QRICH2: variants seen among roughly 807,000 people sequenced by gnomAD.
The protein encoded by QRICH2 is glutamine-rich protein 2.
In QRICH2, 119 loss-of-function variants were observed where a neutral mutation model predicts 168.3. The observed-to-expected ratio is 0.71, with a 90% confidence interval of 0.61 to 0.82. The LOEUF (loss-of-function observed/expected upper bound fraction) is 0.82, where lower values mean the gene tolerates loss of function less well. Ranked by LOEUF, QRICH2 falls within the 40% of genes least tolerant of loss-of-function variation. QRICH2 has a pLI of 0.00. For missense variants in QRICH2, 2,241 were observed against 2,491.6 expected (o/e 0.90, Z 2.14); for synonymous variants, 894 against 951.2 (o/e 0.94, Z 1.11).
chr17:76,279,167 G>A (rs934314078), intron 13 of QRICH2, 25 bp from the exon 14 acceptor site: 6 of 1,582,376 alleles, frequency 3.8e-6, no homozygotes, highest in South Asian at 2.2e-5. Flanking sequence ...AGGGAGAAGG[G>A]GCGGGTCAGA....
At chr17:76,290,974 C>G (rs2070975547) in intron 4 of QRICH2, 41 bp downstream of exon 4, 1 of 1,587,138 alleles carries the variant, frequency 6.3e-7, no homozygotes, top group Admixed American at 1.7e-5. Context: ...CAACTGAAAA[C>G]AGAGACAATG....
At chr17:76,308,406 G>A, upstream of QRICH2, 1 of 985,192 alleles carries the variant, frequency 1.0e-6, no homozygotes, top group African/African-American at 1.7e-5. Flanking sequence ...GGGCTGAGGA[G>A]GCCTCCTAAG....
At position 76,278,182 on chromosome 17, in the gene QRICH2, GCTT is replaced by G; in HGVS notation, c.4921_4923del (p.Lys1641del). 6.2e-7 allele frequency: 1 copy of G among 1,605,280 alleles called. No individual in the cohort carries two copies. The highest frequency in any genetic ancestry group is 8.5e-7 in the Non-Finnish European group (1 of 1,179,982). On this transcript the variant is annotated inframe_deletion, in exon 15 of 19. Transcript: ENST00000680821. ...TCACCCCGAGGGAAGGCGCTGCCCA[GCTT>G]GAGGCTGCAGGGTGTGAGCAGAACA... is the stretch of plus-strand genomic sequence containing the variant.
At position 76,291,124 on chromosome 17, in the gene QRICH2, TCC is replaced by T. The variant is rs2070980072; in HGVS notation, c.3601_3602del (p.Gly1201ArgfsTer4). The stretch of plus-strand genomic sequence containing the variant: ...GCCCCACATAGAGGCTACTGAGCTC[TCC>T]CATCAGATGAAATGTCTCCACTGCC... Reference protein sequence around the residue: ...PTAVETFHLMGELSSLYVGLK... With the variant: ...PTAVETFHLMXELSSLYVGLK... On this transcript the variant is annotated frameshift_variant, in exon 4 of 19. Coordinates refer to ENST00000680821, the MANE Select transcript of QRICH2 (RefSeq NM_001388453.1). LOFTEE classifies it high-confidence loss of function. 6.2e-7 allele frequency: 1 copy of T among 1,614,072 alleles called. No individual in the cohort carries two copies. Among genetic ancestry groups the T allele is most frequent in the African/African-American group, 1.3e-5 (1 of 74,924 alleles).
chr17:76,277,408 G>A, intron 15 of QRICH2, 98 bp from the exon 16 acceptor site: 5 of 1,406,170 alleles, frequency 3.6e-6, no homozygotes, highest in Non-Finnish European at 4.9e-6. Context: ...AAGGGGCACA[G>A]CTTCTCTTCG....
intron 3 of QRICH2, among the ~76,000 whole-genome samples, chr17:76,303,076 G>T (rs2070931339): frequency 6.6e-6 from 1 of 152,032 alleles, no homozygotes; most frequent in South Asian, 2.1e-4. Context: ...TAGGGACAGG[G>T]TTTCATCATG....
Position 76,307,987 on chromosome 17 carries a change from C to A in QRICH2, c.12G>T (p.Ala4=), listed in dbSNP as rs1016016431. The A allele has an allele frequency of 1.6e-6, 2 of 1,232,790 alleles. No individual in the cohort carries two copies. Among genetic ancestry groups the A allele is most frequent in the South Asian group, 4.1e-5 (1 of 24,488 alleles). The allele number at this position is 1,232,790 out of a possible 1,614,324, so 76.4% of individuals were successfully genotyped here. Residue 4 remains alanine (A), a synonymous_variant, in exon 1 of 19, where the codon GCG becomes GCT. Transcript: ENST00000680821. This position sits in a 1 kb window ranked among gnomAD's most constrained non-coding sequence, Gnocchi z 5.3. ...CCAGCTCCCGGAGGGAGACCGTGGTCGCGGGCGGCATCGTGGCTGTCAGGA... is the reference window on the plus strand; with the variant it reads ...CCAGCTCCCGGAGGGAGACCGTGGTAGCGGGCGGCATCGTGGCTGTCAGGA... The part of the protein sequence containing the change: MPP[A]TTVSLRELAD...
chr17:76,277,032 G>T, intron 16 of QRICH2, 131 bp downstream of exon 16: 1 of 1,008,072 alleles, frequency 9.9e-7, no homozygotes, highest in Non-Finnish European at 1.4e-6. Context: ...CTGAGGCTTT[G>T]ACTGGGTCTG....
chr17:76,291,460 T>C lies in QRICH2; in HGVS notation c.3267A>G (p.Val1089=). ...GGCCATGCTGAGCTGCATCTGGGTATACCTGGTCATGCTCACCTGGGCCAG... is the reference window on the plus strand; with the variant it reads ...GGCCATGCTGAGCTGCATCTGGGTACACCTGGTCATGCTCACCTGGGCCAG... The part of the protein sequence containing the change: ...ASPGPGEHDQ[V]YPDAAQHGHA... The change falls in exon 4 of 19, where the codon GTA becomes GTG. Residue 1089 remains valine, a synonymous_variant. Coordinates refer to ENST00000680821, the MANE Select transcript of QRICH2 (RefSeq NM_001388453.1). 3 of 1,614,118 alleles carry C rather than the reference T, an allele frequency of 1.9e-6. No individual in the cohort carries two copies. The highest frequency in any genetic ancestry group is 2.5e-6 in the Non-Finnish European group (3 of 1,180,036).
At chr17:76,294,356 G>A (rs1348393482) in intron 3 of QRICH2, among the ~76,000 whole-genome samples, 2 of 152,070 alleles carry the variant, frequency 1.3e-5, no homozygotes, top group African/African-American at 4.8e-5. Context: ...CCTGGGAGAT[G>A]GAGGTTGCCG....
Position 76,280,776 on chromosome 17 carries a change from G to A in QRICH2, c.4387-48C>T, listed in dbSNP as rs763811796. 2 of 1,614,040 alleles carry A rather than the reference G, an allele frequency of 1.2e-6. No homozygotes were observed. Among genetic ancestry groups the A allele is most frequent in the East Asian group, 2.2e-5 (1 of 44,890 alleles). Reference sequence around the variant, plus strand: ...GAAAAAAAGAGCCAGCAGCTGCGGGGCTAGGGCACCACATTGAGCCCCGGC... The same window carrying A: ...GAAAAAAAGAGCCAGCAGCTGCGGGACTAGGGCACCACATTGAGCCCCGGC... On this transcript the variant is annotated intron_variant, in intron 9 of 18. Coordinates refer to ENST00000680821, the MANE Select transcript of QRICH2 (RefSeq NM_001388453.1). This position sits in a 1 kb window ranked among gnomAD's most constrained non-coding sequence, Gnocchi z 7.4.
At chr17:76,304,858 TC>T in intron 2 of QRICH2, 23 bp downstream of exon 2, 2 of 1,574,818 alleles carry the variant, frequency 1.3e-6, no homozygotes, top group Non-Finnish European at 1.7e-6. Context: ...GAGAGCCCTT[TC>T]CCATGGAACT....
In QRICH2 at chr17:76,307,951, GGA is replaced by G. The variant is rs1034124000; in HGVS notation, c.46_47del (p.Ser16HisfsTer125). ...CGGCGCCCACCTCTGGCGTGCCGAT[GGA>G]GAGGTCCGCCAGCTCCCGGAGGGAG... ...TVSLRELADL[S>X]IGTPEVGAVN... On this transcript the variant is annotated frameshift_variant, in exon 1 of 19. Transcript: ENST00000680821. LOFTEE classifies it high-confidence loss of function. The surrounding 1 kb of genome is among the most constrained non-coding windows in gnomAD (Gnocchi z 5.3). 1.7e-5 allele frequency: 21 copies of G among 1,234,822 alleles called. No homozygotes were observed. Among genetic ancestry groups the G allele is most frequent in the Non-Finnish European group, 1.8e-5 (18 of 989,438 alleles). The allele number at this position is 1,234,822 out of a possible 1,614,324, so 76.5% of individuals were successfully genotyped here.
Position 76,291,832 on chromosome 17 carries a change from T to G in QRICH2, c.2895A>C (p.Gly965=). The G allele has an allele frequency of 6.2e-7, 1 of 1,613,996 alleles. No individual in the cohort carries two copies. Among genetic ancestry groups the G allele is most frequent in the Non-Finnish European group, 8.5e-7 (1 of 1,179,968 alleles). The change falls in exon 4 of 19, where the codon GGA becomes GGC. Residue 965 remains glycine, a synonymous_variant. Transcript: ENST00000680821. ...GTTGTCTCAAACCATACTGATCCAT[T>G]CCTGGCTGCACCAGACCACGTGGAT... is the stretch of plus-strand genomic sequence containing the variant. The part of the protein sequence containing the change: ...GTYPRGLVQP[G]MDQYGLRQPG...
In QRICH2 at chr17:76,291,762, G is replaced by C; in HGVS notation, c.2965C>G (p.Arg989Gly). ...PGLIAPGTKL[R>G]GSSTFQADST... is the part of the protein sequence containing the mutation. ...TCTGCCTGGAATGTTGAAGAGCCAC[G>C]AAGCTTTGTGCCTGGTGCTATCAAG... The change falls in exon 4 of 19, where the codon CGT becomes GGT. Residue 989 changes from arginine (R) to glycine (G), a missense_variant. Transcript: ENST00000680821. The C allele has an allele frequency of 2.5e-6, 4 of 1,614,160 alleles. No homozygotes were observed. Among genetic ancestry groups the C allele is most frequent in the Non-Finnish European group, 3.4e-6 (4 of 1,180,032 alleles).
At chr17:76,290,873 G>T in intron 4 of QRICH2, 142 bp downstream of exon 4, 1 of 1,323,832 alleles carries the variant, frequency 7.6e-7, no homozygotes, top group Non-Finnish European at 1.0e-6. Context: ...TGAAGGCTGT[G>T]GGACATGCTC....
At chr17:76,303,034 C>T in intron 3 of QRICH2, among the ~76,000 whole-genome samples, 1 of 152,082 alleles carries the variant, frequency 6.6e-6, no homozygotes, top group East Asian at 1.9e-4. Flanking sequence ...CAGGTGTGCA[C>T]CACCACACCC....
At chr17:76,285,249 A>C (rs1444038007) in intron 7 of QRICH2, among the ~76,000 whole-genome samples, 2 of 152,010 alleles carry the variant, frequency 1.3e-5, no homozygotes, top group Non-Finnish European at 1.5e-5. Context: ...CTCCTGCCCC[A>C]GCCTCCTGAG....
In QRICH2 at chr17:76,291,045, C is replaced by G. The variant is rs757557707; in HGVS notation, c.3682G>C (p.Glu1228Gln). Residue 1228 changes from glutamate to glutamine, a missense_variant, in exon 4 of 19, where the codon GAG becomes CAG. Around this residue, in one of 3 missense-constraint regions of QRICH2, gnomAD observed 2,047 missense variants for 2,303.8 expected, o/e 0.89. Coordinates refer to ENST00000680821, the MANE Select transcript of QRICH2 (RefSeq NM_001388453.1). The part of the protein sequence containing the change: ...DEEQAGQTDL[E>Q]KIQFLLAQMV... ...TGTGCCAGCAGGAACTGGATCTTCT[C>G]CAAGTCGGTTTGGCCGGCCTGCTCC... 1 of 1,613,860 alleles carries G rather than the reference C, an allele frequency of 6.2e-7. No homozygotes were observed. Among genetic ancestry groups the G allele is most frequent in the South Asian group, 1.1e-5 (1 of 91,086 alleles).
Sources: gnomAD v4.1 joint callset for allele counts (sites outside exome capture counted in the v4.1 genomes callset) on GRCh38, gnomAD v4.1.1 for gene constraint, gnomAD v4.1.1 regional missense constraint, Gnocchi (gnomAD v3.1) non-coding constraint, MANE v1.5 for transcripts, NCBI Gene and HGNC (gene_info 2026-07-23, HGNC 2026-07-21) for gene names.